Variants in RIN2 observed in about 807,000 individuals in gnomAD.
The protein encoded by RIN2 is Ras and Rab interactor 2, also known as RAB5 interacting protein 2.
In RIN2, 36 loss-of-function variants were observed where a neutral mutation model predicts 78.0. The observed-to-expected ratio is 0.46, with a 90% CI of 0.35 to 0.61. The LOEUF (loss-of-function observed/expected upper bound fraction) is 0.61. Among genes scored for constraint, RIN2 ranks in the 20% least tolerant of loss-of-function variants. The pLI, the probability that RIN2 is intolerant of heterozygous loss-of-function variation, is 0.00. For synonymous variants in RIN2, 466 were observed against 466.8 expected, an observed-to-expected ratio of 1.00 and a Z score of 0.02; for missense variants, 1,087 against 1,159.7, an observed-to-expected ratio of 0.94 and a Z score of 0.91.
rs7274952 is a variant in RIN2 at position 19,894,025 on chromosome 20, T to C, written c.57+4367T>C. On this transcript the variant is annotated intron_variant, in intron 3 of 12. Transcript: ENST00000255006. ...AGATGGAGGTTGCACTGAGCCAAGA[T>C]GGTGCCACCACACTCCAGCCTGGGC... 7.7e-4 allele frequency among the ~76,000 whole-genome samples: 117 copies of C among 152,222 alleles called. 1 individual carries two copies. Among genetic ancestry groups the C allele is most frequent in the African/African-American group, 2.8e-3 (115 of 41,530 alleles).
intron 2 of RIN2, among the ~76,000 whole-genome samples, chr20:19,801,875 T>C (rs892304909): frequency 1.3e-5 from 2 of 152,200 alleles, no homozygotes; most frequent in African/African-American, 4.8e-5. Context: ...TGTTGTAGGT[T>C]TGTCTTTTGA....
At chr20:19,955,212 G>T (rs933101835) in intron 4 of RIN2, among the ~76,000 whole-genome samples, 1 of 152,122 alleles carries the variant, frequency 6.6e-6, no homozygotes, top group East Asian at 1.9e-4. Context: ...TTCAGTATGT[G>T]GCCTTATGTC....
At chr20:19,931,466 T>C (rs1568624289) in intron 3 of RIN2, among the ~76,000 whole-genome samples, 1 of 152,156 alleles carries the variant, frequency 6.6e-6, no homozygotes, top group Admixed American at 6.5e-5. Flanking sequence ...AAACCTAACA[T>C]AGACGAAATA....
chr20:19,941,884 G>A (rs2040885628), intron 4 of RIN2, among the ~76,000 whole-genome samples: 1 of 152,160 alleles, frequency 6.6e-6, no homozygotes, highest in Non-Finnish European at 1.5e-5. Flanking sequence ...GGAGGCTGAG[G>A]TGGGTGGATC....
At chr20:19,956,568 GA>G in intron 4 of RIN2, 46 bp from the exon 5 acceptor site, 1 of 1,575,702 alleles carries the variant, frequency 6.3e-7, no homozygotes, top group Non-Finnish European at 8.7e-7. Flanking sequence ...CCTTGTTAGG[GA>G]AATGGTACTG....
chr20:19,980,784 G>C (rs1448536471), intron 9 of RIN2, among the ~76,000 whole-genome samples: 2 of 152,184 alleles, frequency 1.3e-5, no homozygotes. Context: ...CATAGACGCA[G>C]CCCTCCCTGG....
At chr20:19,940,448 C>T (rs1252014516) in intron 4 of RIN2, among the ~76,000 whole-genome samples, 2 of 152,196 alleles carry the variant, frequency 1.3e-5, no homozygotes, top group African/African-American at 2.4e-5. Flanking sequence ...GGGCAGAGGC[C>T]CTTCCCCCAG....
At chr20:19,823,323 T>C in intron 2 of RIN2, 1 of 595,300 alleles carries the variant, frequency 1.7e-6, no homozygotes, top group South Asian at 2.1e-5. Flanking sequence ...CTCATCTTAC[T>C]CTTTCGTGGC....
chr20:19,961,670 G>A (rs1158774541), intron 6 of RIN2, among the ~76,000 whole-genome samples: 1 of 152,130 alleles, frequency 6.6e-6, no homozygotes, highest in Non-Finnish European at 1.5e-5. Context: ...TACTCAGCCG[G>A]GAGGGCACAA....
At chr20:19,832,367 T>A (rs1373681949) in intron 2 of RIN2, among the ~76,000 whole-genome samples, 1 of 148,262 alleles carries the variant, frequency 6.7e-6, no homozygotes, top group Non-Finnish European at 1.5e-5. Flanking sequence ...CTGTGTGGCA[T>A]CCCGATGGCT....
At chr20:19,864,690 T>A (rs2037446221) in intron 2 of RIN2, among the ~76,000 whole-genome samples, 2 of 152,172 alleles carry the variant, frequency 1.3e-5, no homozygotes, top group South Asian at 4.1e-4. Flanking sequence ...CAAAGCAGGA[T>A]GGGTACAAGA....
At chr20:19,826,053 AGT>A (rs1283009103) in intron 2 of RIN2, among the ~76,000 whole-genome samples, 1 of 152,210 alleles carries the variant, frequency 6.6e-6, no homozygotes, top group Non-Finnish European at 1.5e-5. Flanking sequence ...TATGATTTAT[AGT>A]CAATCTTTGT....
intron 2 of RIN2, chr20:19,823,713 G>C (rs977331563): frequency 2.1e-5 from 34 of 1,588,244 alleles, no homozygotes; most frequent in Non-Finnish European, 1.9e-5. Context: ...TCATGGCAGA[G>C]GCAGAAGGCA....
At chr20:19,873,596 CA>C (rs1156630599) in intron 2 of RIN2, among the ~76,000 whole-genome samples, 1 of 152,168 alleles carries the variant, frequency 6.6e-6, no homozygotes, top group Non-Finnish European at 1.5e-5. Context: ...CTCAAAAGCA[CA>C]TGGTAGGTGC....
intron 1 of RIN2, among the ~76,000 whole-genome samples, chr20:19,763,531 G>GTGAA (rs11468974): frequency 6.6e-6 from 1 of 151,560 alleles, no homozygotes; most frequent in Non-Finnish European, 1.5e-5. Flanking sequence ...TAATGAATGA[G>GTGAA]TGAATGAATG....
At chr20:19,901,507 G>A (rs1205121906) in intron 3 of RIN2, among the ~76,000 whole-genome samples, 1 of 152,174 alleles carries the variant, frequency 6.6e-6, no homozygotes, top group African/African-American at 2.4e-5. Flanking sequence ...CGATTGAGGG[G>A]CGGCTCTTCC....
chr20:19,828,685 G>T (rs984570131), intron 2 of RIN2, among the ~76,000 whole-genome samples: 3 of 152,076 alleles, frequency 2.0e-5, no homozygotes, highest in Non-Finnish European at 4.4e-5. Flanking sequence ...CAAAAGAAAA[G>T]AAAAAATATG....
chr20:19,762,912 C>T (rs990178959), intron 1 of RIN2, among the ~76,000 whole-genome samples: 6 of 151,928 alleles, frequency 3.9e-5, no homozygotes, highest in African/African-American at 9.7e-5. Context: ...TACAGGTGCC[C>T]GCCACCACAC....
chr20:19,987,681 G>A (rs527667372), intron 9 of RIN2, among the ~76,000 whole-genome samples: 1 of 152,344 alleles, frequency 6.6e-6, no homozygotes, highest in African/African-American at 2.4e-5. Context: ...TTATCATAAT[G>A]ATGATATAAG....
Sources: allele counts gnomAD v4.1 joint callset (sites outside exome capture counted in the v4.1 genomes callset), GRCh38; gene constraint gnomAD v4.1.1; transcripts MANE v1.5; gene names NCBI Gene and HGNC (gene_info 2026-07-23, HGNC 2026-07-21).